Variants in SLC6A11 observed in about 807,000 individuals in gnomAD.
SLC6A11 encodes the protein sodium- and chloride-dependent GABA transporter 3.
SLC6A11 carries 25 observed loss-of-function variants against 74.8 expected under a neutral mutation model. The ratio of observed to expected loss-of-function variants is 0.33; its 90% CI spans 0.24 to 0.47. The LOEUF (loss-of-function observed/expected upper bound fraction) is 0.47, where lower values mean the gene tolerates loss of function less well. SLC6A11 is among the 20% of genes least tolerant of loss of function. The pLI, the probability that SLC6A11 is intolerant of heterozygous loss-of-function variation, is 1.00. For synonymous variants in SLC6A11, 330 were observed against 330.2 expected, an observed-to-expected ratio of 1.00 and a Z score of 0.01; for missense variants, 574 against 837.0, an observed-to-expected ratio of 0.69 and a Z score of 3.88.
rs1271652289 is a variant in SLC6A11, at chr3:10,912,191, C to T, written c.993C>T (p.Tyr331=). ...ATAACAATTATAACAACAACTGCTACAGGTGAGCATTTCCCTGGGCCCTGC... is the reference window on the plus strand; with the variant it reads ...ATAACAATTATAACAACAACTGCTATAGGTGAGCATTTCCCTGGGCCCTGC... ...GSYNNYNNNC[Y]RDCIMLCCLN... The change falls in exon 7 of 14, where the codon TAC becomes TAT. Residue 331 remains tyrosine (Y), a splice_region_variant and synonymous_variant. Coordinates refer to ENST00000254488, the MANE Select transcript of SLC6A11 (RefSeq NM_014229.3). 1.2e-6 allele frequency: 2 copies of T among 1,601,500 alleles called. No homozygotes were observed. Among genetic ancestry groups the T allele is most frequent in the Admixed American group, 1.7e-5 (1 of 60,014 alleles).
rs1282071472 is a variant in SLC6A11 at position 10,929,304 on chromosome 3, A to T, written c.1336A>T (p.Ile446Phe). 6.2e-7 allele frequency: 1 copy of T among 1,613,930 alleles called. No homozygotes were observed. Among genetic ancestry groups the T allele is most frequent in the Non-Finnish European group, 8.5e-7 (1 of 1,179,978 alleles). ...RELLILALSV[I>F]SYFLGLVMLT... Reference sequence around the variant, plus strand: ...GCTGCTCATCCTAGCCTTGTCTGTTATCTCCTATTTTCTGGGCCTCGTGAT... The same window carrying T: ...GCTGCTCATCCTAGCCTTGTCTGTTTTCTCCTATTTTCTGGGCCTCGTGAT... The change falls in exon 10 of 14, where the codon ATC (isoleucine) becomes TTC (phenylalanine). Residue 446 changes from isoleucine (I) to phenylalanine (F), a missense_variant. Around this residue, in one of 4 missense-constraint regions of SLC6A11, gnomAD observed 257 missense variants for 341.5 expected, o/e 0.75. Transcript: ENST00000254488.
intron 5 of SLC6A11, among the ~76,000 whole-genome samples, chr3:10,870,286 A>G (rs994677822): frequency 6.6e-6 from 1 of 152,136 alleles, no homozygotes; most frequent in African/African-American, 2.4e-5. Context: ...TTCCTTCCTC[A>G]AGGACTAGAC....
chr3:10,841,965 GC>G (rs539781717), intron 4 of SLC6A11, among the ~76,000 whole-genome samples: 117 of 152,350 alleles, frequency 7.7e-4, no homozygotes, highest in South Asian at 2.1e-3. Context: ...GTCAGCAGCA[GC>G]CCAGATTCCT....
At chr3:10,854,447 C>G (rs192765186) in intron 5 of SLC6A11, among the ~76,000 whole-genome samples, 1 of 152,296 alleles carries the variant, frequency 6.6e-6, no homozygotes, top group East Asian at 1.9e-4. Context: ...ATCCCACCAC[C>G]ATACATTCTC....
At chr3:10,920,482 GA>G (rs1174523072) in intron 8 of SLC6A11, among the ~76,000 whole-genome samples, 1 of 152,152 alleles carries the variant, frequency 6.6e-6, no homozygotes, top group Non-Finnish European at 1.5e-5. Flanking sequence ...AGTAAAAATA[GA>G]TTGCTATCAT....
intron 4 of SLC6A11, among the ~76,000 whole-genome samples, chr3:10,825,860 C>T (rs1430082667): frequency 6.6e-6 from 1 of 152,210 alleles, no homozygotes; most frequent in Non-Finnish European, 1.5e-5. Context: ...TGTGTTTGGG[C>T]TCTCTGTTCT....
intron 5 of SLC6A11, among the ~76,000 whole-genome samples, chr3:10,854,449 T>C (rs1246312138): frequency 1.3e-5 from 2 of 152,232 alleles, no homozygotes; most frequent in African/African-American, 4.8e-5. Context: ...CCCACCACCA[T>C]ACATTCTCTC....
At chr3:10,885,085 C>T (rs368467185) in intron 6 of SLC6A11, among the ~76,000 whole-genome samples, 2 of 152,238 alleles carry the variant, frequency 1.3e-5, no homozygotes, top group South Asian at 2.1e-4. Context: ...CTCCCTTTCT[C>T]ACATGGCAGA....
rs1397356940 is a variant in SLC6A11 at position 10,819,862 on chromosome 3, C to T, written c.532+10C>T. On this transcript the variant is annotated intron_variant, in intron 3 of 13. Coordinates refer to ENST00000254488, the MANE Select transcript of SLC6A11 (RefSeq NM_014229.3). ...CATGAGTGGAACACAGGTATGGCCC[C>T]ACGGAGGTCTCTCTGCTGGTCCTGC... 2 of 1,612,732 alleles carry T rather than the reference C, an allele frequency of 1.2e-6. No individual in the cohort carries two copies. Among genetic ancestry groups the T allele is most frequent in the Non-Finnish European group, 1.7e-6 (2 of 1,179,428 alleles).
At chr3:10,850,607 T>A (rs565525250) in intron 5 of SLC6A11, among the ~76,000 whole-genome samples, 6 of 152,010 alleles carry the variant, frequency 3.9e-5, no homozygotes, top group Admixed American at 1.3e-4. Context: ...GGCCAGCGAG[T>A]GGCACATGTG....
At position 10,931,094 on chromosome 3, in the gene SLC6A11, G is replaced by A. The variant is rs377582041; in HGVS notation, c.1371+1755G>A. Reference sequence around the variant, plus strand: ...CCACAAACTTCTTTTCTTCCACCAAGGCAGTGTGATGAGTGGTTGAGAGCA... The same window carrying A: ...CCACAAACTTCTTTTCTTCCACCAAAGCAGTGTGATGAGTGGTTGAGAGCA... On this transcript the variant is annotated intron_variant, in intron 10 of 13. Coordinates refer to ENST00000254488, the MANE Select transcript of SLC6A11 (RefSeq NM_014229.3). Among the ~76,000 whole-genome samples the A allele has an allele frequency of 2.2e-4, 33 of 152,216 alleles. No individual in the cohort carries two copies. The East Asian group carries it at 2.3e-3, about 11-fold the overall frequency.
intron 6 of SLC6A11, among the ~76,000 whole-genome samples, chr3:10,899,466 G>A (rs1028134109): frequency 6.6e-6 from 1 of 152,174 alleles, no homozygotes; most frequent in African/African-American, 2.4e-5. Context: ...TTCCTACTTG[G>A]GAACTTTGAG....
At chr3:10,892,347 C>T (rs1390862259) in intron 6 of SLC6A11, among the ~76,000 whole-genome samples, 1 of 152,214 alleles carries the variant, frequency 6.6e-6, no homozygotes, top group African/African-American at 2.4e-5. Context: ...ACGTTCCAAA[C>T]AGTAGAGGCA....
intron 6 of SLC6A11, among the ~76,000 whole-genome samples, chr3:10,891,772 T>C (rs1695110122): frequency 6.6e-6 from 1 of 152,144 alleles, no homozygotes; most frequent in South Asian, 2.1e-4. Context: ...TTTGAGTCTA[T>C]TTGCTCATCT....
At chr3:10,851,064 A>C (rs1211954392) in intron 5 of SLC6A11, among the ~76,000 whole-genome samples, 2 of 151,988 alleles carry the variant, frequency 1.3e-5, no homozygotes, top group East Asian at 3.9e-4. Flanking sequence ...GCAGACAGCC[A>C]CCCCTGCCCA....
chr3:10,934,224 C>T lies in SLC6A11; in HGVS notation c.1575+58C>T, dbSNP rs1050210139. The T allele has an allele frequency of 2.1e-5, 25 of 1,173,162 alleles. No homozygotes were observed. In the Middle Eastern group the frequency reaches 5.9e-4, roughly 28 times the overall value. 72.7% of individuals were successfully genotyped at this position (1,173,162 alleles called of 1,614,324 possible). On this transcript the variant is annotated intron_variant, in intron 12 of 13. Transcript: ENST00000254488. ...TCTACCCACCCATCTACCCTCCAACCCACGTTTCCACTCCGTAGCCCCCAC... is the reference window on the plus strand; with the variant it reads ...TCTACCCACCCATCTACCCTCCAACTCACGTTTCCACTCCGTAGCCCCCAC...
At position 10,823,420 on chromosome 3, in the gene SLC6A11, G is replaced by C. The variant is rs755903551; in HGVS notation, c.623+28G>C. 4 of 1,426,212 alleles carry C rather than the reference G, an allele frequency of 2.8e-6. No homozygotes were observed. The South Asian group carries it at 4.6e-5, about 16-fold the overall frequency. The allele number at this position is 1,426,212 out of a possible 1,614,324, so 88.3% of individuals were successfully genotyped here. A position where few individuals can be genotyped will look rare whatever the true frequency, so the allele number is the denominator to read the frequency against. ...AAGTGGAGAAGAACTTGTCTCCCTT[G>C]GCCTGTGGGGGCTCTGTCCTGGTTC... is the stretch of plus-strand genomic sequence containing the variant. On this transcript the variant is annotated intron_variant, in intron 4 of 13. Transcript: ENST00000254488.
At chr3:10,933,750 T>G (rs965381011) in intron 11 of SLC6A11, among the ~76,000 whole-genome samples, 2 of 152,138 alleles carry the variant, frequency 1.3e-5, no homozygotes, top group Non-Finnish European at 2.9e-5. Flanking sequence ...GCCCCTGCCT[T>G]CAAAATCCTC....
intron 10 of SLC6A11, among the ~76,000 whole-genome samples, chr3:10,930,603 A>C (rs1231950553): frequency 6.6e-6 from 1 of 152,208 alleles, no homozygotes; most frequent in Non-Finnish European, 1.5e-5. Flanking sequence ...GATTAATTAG[A>C]GTCTCTCGTC....
Sources: allele counts gnomAD v4.1 joint callset (sites outside exome capture counted in the v4.1 genomes callset), GRCh38; gene constraint gnomAD v4.1.1; regional missense constraint gnomAD v4.1.1; transcripts MANE v1.5; gene names NCBI Gene and HGNC (gene_info 2026-07-23, HGNC 2026-07-21).